HERC3: variants seen among roughly 807,000 people sequenced by gnomAD.
HERC3 encodes probable E3 ubiquitin-protein ligase HERC3.
In HERC3, 58 loss-of-function variants were observed where a neutral mutation model predicts 129.9. The ratio of observed to expected loss-of-function variants is 0.45; its 90% CI spans 0.36 to 0.56. HERC3 has a LOEUF of 0.56. Among genes scored for constraint, HERC3 ranks in the 20% least tolerant of loss-of-function variants. HERC3 has a pLI of 0.00. For synonymous variants in HERC3, 430 were observed against 451.0 expected (o/e 0.95, Z 0.59); for missense variants, 835 against 1,244.2 (o/e 0.67, Z 4.95).
chr4:88,661,172 C>T (rs951825341), intron 10 of HERC3, among the ~76,000 whole-genome samples: 10 of 152,118 alleles, frequency 6.6e-5, no homozygotes, highest in African/African-American at 2.4e-4. Context: ...ATAAAATTTA[C>T]GTAACAACAG....
At chr4:88,570,908 C>T in the HERC3 span, among the ~76,000 whole-genome samples, 1 of 151,600 alleles carries the variant, frequency 6.6e-6, no homozygotes, top group African/African-American at 2.4e-5. Context: ...CGCCCACCAC[C>T]ACCCCCAGCT....
intron 21 of HERC3, among the ~76,000 whole-genome samples, chr4:88,682,569 A>G (rs1248533316): frequency 6.8e-6 from 1 of 146,280 alleles, no homozygotes; most frequent in Non-Finnish European, 1.5e-5. Flanking sequence ...GAGAACATGC[A>G]GTGTTTGGTT....
At chr4:88,615,662 G>A (rs1282147121) in intron 3 of HERC3, among the ~76,000 whole-genome samples, 1 of 152,164 alleles carries the variant, frequency 6.6e-6, no homozygotes, top group Non-Finnish European at 1.5e-5. Flanking sequence ...AGTTGTAAAT[G>A]TAGATAATAA....
At position 88,653,939 on chromosome 4, in the gene HERC3, A is replaced by G. The variant is rs368528818; in HGVS notation, c.686-103A>G. ...TACAGATGCAGGCAGGAAACTGAAC[A>G]TGCGTCAGGAATCCAGGAATCCAAA... On this transcript the variant is annotated intron_variant, in intron 6 of 25. Coordinates refer to ENST00000402738, the MANE Select transcript of HERC3 (RefSeq NM_014606.3). 3.4e-4 allele frequency: 268 copies of G among 793,262 alleles called. 2 individuals carry two copies. The South Asian group carries it at 4.1e-3, about 12-fold the overall frequency. 49.1% of individuals were successfully genotyped at this position (793,262 alleles called of 1,614,324 possible).
At chr4:88,613,131 C>G (rs1019817908) in intron 3 of HERC3, among the ~76,000 whole-genome samples, 4 of 152,142 alleles carry the variant, frequency 2.6e-5, no homozygotes, top group Non-Finnish European at 4.4e-5. Context: ...ATCTTTCTCC[C>G]TATCTTGAAT....
the HERC3 span, among the ~76,000 whole-genome samples, chr4:88,557,670 C>T: frequency 0.05 from 7,578 of 152,150 alleles, 448 homozygotes; most frequent in East Asian, 0.28. Flanking sequence ...GCTTTCAGAT[C>T]GGATGTGGTG....
chr4:88,677,730 A>G (rs1383872090), intron 18 of HERC3, among the ~76,000 whole-genome samples: 1 of 152,186 alleles, frequency 6.6e-6, no homozygotes, highest in Non-Finnish European at 1.5e-5. Context: ...CCTGGACCTG[A>G]TTATAGATCA....
At chr4:88,575,321 C>T in the HERC3 span, among the ~76,000 whole-genome samples, 13 of 152,054 alleles carry the variant, frequency 8.5e-5, no homozygotes, top group Non-Finnish European at 1.5e-4. Context: ...TGCTAAAAAC[C>T]GTGTTCCCTA....
chr4:88,621,147 A>T (rs1324479984), intron 3 of HERC3, among the ~76,000 whole-genome samples: 10 of 152,006 alleles, frequency 6.6e-5, no homozygotes, highest in Admixed American at 2.0e-4. Flanking sequence ...TCGCTCTGTC[A>T]CCCAGCTGGA....
chr4:88,594,518 C>G (rs981637351), intron 1 of HERC3, among the ~76,000 whole-genome samples: 1 of 152,102 alleles, frequency 6.6e-6, no homozygotes, highest in Admixed American at 6.5e-5. Context: ...AATCTGCCAC[C>G]TTACCCTCCA....
chr4:88,637,920 C>T (rs780036022), intron 3 of HERC3, among the ~76,000 whole-genome samples: 1 of 152,110 alleles, frequency 6.6e-6, no homozygotes, highest in Non-Finnish European at 1.5e-5. Flanking sequence ...CACCACTGAT[C>T]CCACAGAAAT....
chr4:88,616,384 C>A (rs1724900037), intron 3 of HERC3, among the ~76,000 whole-genome samples: 1 of 152,192 alleles, frequency 6.6e-6, no homozygotes, highest in African/African-American at 2.4e-5. Context: ...CTGTGGTACA[C>A]CAGGGACTAC....
chr4:88,572,377 G>C, the HERC3 span, among the ~76,000 whole-genome samples: 1 of 151,796 alleles, frequency 6.6e-6, no homozygotes, highest in Admixed American at 6.6e-5. Flanking sequence ...GCAGTGAGCT[G>C]TGACCATCAC....
rs532515500 is a variant in HERC3, at chr4:88,595,841, CTTTTTTT to C, written c.-30+248_-30+254del. Reference sequence around the variant, plus strand: ...TGGTCTCTGCTTCAAGCACTTAATTCTTTTTTTTTTTTTTTTTTTTTTTTTTTGAGAG... The same window carrying C: ...TGGTCTCTGCTTCAAGCACTTAATTCTTTTTTTTTTTTTTTTTTTTGAGAG... On this transcript the variant is annotated intron_variant, in intron 2 of 25. Coordinates refer to ENST00000402738, the MANE Select transcript of HERC3 (RefSeq NM_014606.3). Among the ~76,000 whole-genome samples the C allele has an allele frequency of 2.0e-4, 16 of 80,300 alleles. 1 individual carries two copies. The highest frequency in any genetic ancestry group is 1.7e-3 in the South Asian group (3 of 1,788). The allele number at this position is 80,300 out of a possible 152,430, so 52.7% of individuals were successfully genotyped here. A position where few individuals can be genotyped will look rare whatever the true frequency, so the allele number is the denominator to read the frequency against.
chr4:88,640,372 C>G (rs1727945650), intron 3 of HERC3, among the ~76,000 whole-genome samples: 1 of 152,194 alleles, frequency 6.6e-6, no homozygotes, highest in Admixed American at 6.5e-5. Flanking sequence ...GATACATATA[C>G]ACCATGGAAT....
intron 21 of HERC3, among the ~76,000 whole-genome samples, chr4:88,682,473 C>T (rs575133113): frequency 6.5e-5 from 7 of 108,480 alleles, no homozygotes; most frequent in Admixed American, 1.2e-4. Context: ...CCTTCCCCGA[C>T]CCCCCCACCC....
chr4:88,676,476 G>C (rs1182623159), intron 18 of HERC3, 53 bp downstream of exon 18: 1 of 1,242,170 alleles, frequency 8.1e-7, no homozygotes, highest in Non-Finnish European at 1.2e-6. Flanking sequence ...TCCCATTCTA[G>C]ACATTCAGTT....
chr4:88,561,192 TTTTTAAGTA>T, the HERC3 span, among the ~76,000 whole-genome samples: 24,929 of 151,910 alleles, frequency 0.16, 2,319 homozygotes, highest in Admixed American at 0.25. Flanking sequence ...CACTTAAATA[TTTTTAAGTA>T]TTTTAAGTAT....
At chr4:88,627,904 C>CAAA (rs60358778) in intron 3 of HERC3, among the ~76,000 whole-genome samples, 9 of 80,916 alleles carry the variant, frequency 1.1e-4, no homozygotes, top group African/African-American at 1.5e-4. Flanking sequence ...AACTCCGTCT[C>CAAA]AAAAAAAAAA....
Sources: gnomAD v4.1 joint callset for allele counts (sites outside exome capture counted in the v4.1 genomes callset) on GRCh38, gnomAD v4.1.1 for gene constraint, MANE v1.5 for transcripts, NCBI Gene and HGNC (gene_info 2026-07-23, HGNC 2026-07-21) for gene names.